The following ANK3 variants were observed in gnomAD, a reference collection of about 807,000 sequenced individuals.
The protein encoded by ANK3 is ankyrin 3.
Under a neutral mutation model 370.9 loss-of-function variants are expected in ANK3, and 57 were observed. The ratio of observed to expected loss-of-function variants is 0.15; its 90% CI spans 0.12 to 0.19. The LOEUF is 0.19. Among genes scored for constraint, ANK3 ranks in the 10% least tolerant of loss-of-function variants. The pLI is 1.00. For missense variants in ANK3, 4,439 were observed against 5,302.1 expected (o/e 0.84, Z 5.06); for synonymous variants, 1,929 against 1,946.3 (o/e 0.99, Z 0.23).
chr10:60,074,070 T>C lies in ANK3; in HGVS notation c.6811A>G (p.Met2271Val), dbSNP rs1362536806. 3 of 1,614,126 alleles carry C rather than the reference T, an allele frequency of 1.9e-6. No homozygotes were observed. The highest frequency in any genetic ancestry group is 3.3e-5 in the Admixed American group (2 of 60,020). Residue 2271 changes from methionine (M) to valine (V), a missense_variant, in exon 37 of 44, where the codon ATG becomes GTG. This residue lies in a region of ANK3 where 1,601 missense variants were observed against 1,731.7 expected (regional missense o/e 0.92). Transcript: ENST00000280772. Reference sequence around the variant, plus strand: ...GCCTTCATGATGTCATGGACTGACATGGTTTCTTCAATTCTTTCAGATGCA... The same window carrying C: ...GCCTTCATGATGTCATGGACTGACACGGTTTCTTCAATTCTTTCAGATGCA... ...EGASERIEET[M>V]SVHDIMKAFQ...
chr10:60,243,943 C>T (rs999602783), intron 7 of ANK3, among the ~76,000 whole-genome samples: 5 of 152,010 alleles, frequency 3.3e-5, no homozygotes, highest in African/African-American at 1.2e-4. Context: ...GAAGCTCAGG[C>T]AAAGCTGGAG....
chr10:60,120,456 T>C (rs757317545), intron 25 of ANK3, among the ~76,000 whole-genome samples: 2 of 151,588 alleles, frequency 1.3e-5, no homozygotes, highest in Non-Finnish European at 2.9e-5. Flanking sequence ...AAGGCAAAAA[T>C]AGACAACTGG....
At chr10:60,304,255 AAC>A (rs55989975) in intron 1 of ANK3, among the ~76,000 whole-genome samples, 123,640 of 150,158 alleles carry the variant, frequency 0.82, 50,985 homozygotes, top group East Asian at 0.97. Flanking sequence ...AATTGTTCAT[AAC>A]ACACACACAC....
intron 17 of ANK3, 132 bp downstream of exon 17, chr10:60,186,583 G>T: frequency 3.9e-6 from 4 of 1,032,504 alleles, no homozygotes; most frequent in Non-Finnish European, 5.9e-6. Context: ...GTAACACTTT[G>T]GTAAACAACT....
chr10:60,539,433 T>G (rs1325059924), intron 2 of ANK3, among the ~76,000 whole-genome samples: 1 of 151,930 alleles, frequency 6.6e-6, no homozygotes, highest in African/African-American at 2.4e-5. Flanking sequence ...AGCAAAGACA[T>G]GAGTTCTAGA....
chr10:60,701,982 G>C (rs1215216993), intron 1 of ANK3, among the ~76,000 whole-genome samples: 1 of 152,054 alleles, frequency 6.6e-6, no homozygotes, highest in Non-Finnish European at 1.5e-5. Flanking sequence ...AATTAGGCTG[G>C]GTGCAGTGGC....
At chr10:60,061,696 T>C (rs2080500684) in intron 40 of ANK3, among the ~76,000 whole-genome samples, 1 of 152,158 alleles carries the variant, frequency 6.6e-6, no homozygotes, top group Non-Finnish European at 1.5e-5. Flanking sequence ...TTGTGTTTGT[T>C]ACATGTATAA....
intron 42 of ANK3, chr10:60,053,644 C>T (rs1248883571): frequency 2.1e-5 from 27 of 1,297,338 alleles, no homozygotes; most frequent in Non-Finnish European, 2.5e-5. Flanking sequence ...TGGGTTGCTG[C>T]ATGGAAACAG....
intron 18 of ANK3, among the ~76,000 whole-genome samples, chr10:60,179,330 A>G (rs1382372805): frequency 6.6e-6 from 1 of 152,204 alleles, no homozygotes; most frequent in Non-Finnish European, 1.5e-5. Context: ...TGCTTTCTGA[A>G]GTGAGACGCT....
intron 18 of ANK3, 27 bp downstream of exon 18, chr10:60,181,302 T>C: frequency 6.2e-7 from 1 of 1,600,202 alleles, no homozygotes; most frequent in Non-Finnish European, 8.6e-7. Context: ...CACATTCTTT[T>C]CCGTGTGGCA....
intron 23 of ANK3, among the ~76,000 whole-genome samples, chr10:60,144,751 G>A (rs1459877475): frequency 6.6e-6 from 1 of 152,140 alleles, no homozygotes; most frequent in Non-Finnish European, 1.5e-5. Flanking sequence ...TGATTATCAG[G>A]ACTGTGGTGG....
At chr10:60,616,634 A>G (rs1034249561) in intron 1 of ANK3, among the ~76,000 whole-genome samples, 18 of 152,084 alleles carry the variant, frequency 1.2e-4, no homozygotes, top group African/African-American at 4.1e-4. Flanking sequence ...TAGCACATCT[A>G]ACATTGTAAT....
In ANK3 at chr10:60,088,237, T is replaced by C. The variant is rs762083787; in HGVS notation, c.3450A>G (p.Glu1150=). 3.1e-6 allele frequency: 5 copies of C among 1,614,214 alleles called. No homozygotes were observed. The South Asian group carries it at 5.5e-5, about 18-fold the overall frequency. The part of the protein sequence containing the change: ...IKQESNQIGP[E]GGILSSTTVP... ...CTGTGGTGCTGCTCAGAATTCCACC[T>C]TCAGGACCAATCTGGTTGCTTTCCT... The change falls in exon 29 of 44, where the codon GAA becomes GAG. Residue 1150 remains glutamate (E), a synonymous_variant. Transcript: ENST00000280772.
intron 2 of ANK3, among the ~76,000 whole-genome samples, chr10:60,431,815 C>T (rs2064031991): frequency 6.6e-6 from 1 of 152,090 alleles, no homozygotes; most frequent in Non-Finnish European, 1.5e-5. Context: ...ATGTAAATTC[C>T]TAGGACAACA....
chr10:60,534,339 A>G (rs17817819), intron 2 of ANK3, among the ~76,000 whole-genome samples: 11,367 of 152,138 alleles, frequency 0.075, 599 homozygotes, highest in South Asian at 0.18. Context: ...CTCCAAACGC[A>G]TTCATGTCTC....
chr10:60,078,264 C>T (rs1173076526), intron 36 of ANK3, among the ~76,000 whole-genome samples: 2 of 152,150 alleles, frequency 1.3e-5, no homozygotes, highest in Non-Finnish European at 2.9e-5. Flanking sequence ...TTCAAACATT[C>T]CAAACATATC....
chr10:60,536,480 A>G (rs753507381), intron 2 of ANK3, among the ~76,000 whole-genome samples: 1 of 152,122 alleles, frequency 6.6e-6, no homozygotes, highest in African/African-American at 2.4e-5. Context: ...CAAACTAAAC[A>G]TGGAAACATT....
chr10:60,373,072 C>G (rs74707031), intron 1 of ANK3, among the ~76,000 whole-genome samples: 3 of 152,118 alleles, frequency 2.0e-5, no homozygotes, highest in African/African-American at 7.2e-5. Context: ...AAAAGTGATC[C>G]TCTTGCACAT....
At position 60,197,240 on chromosome 10, in the gene ANK3, G is replaced by A. The variant is rs548211450; in HGVS notation, c.1690-615C>T. 8.5e-5 allele frequency among the ~76,000 whole-genome samples: 13 copies of A among 152,242 alleles called. No individual in the cohort carries two copies. In the East Asian group the frequency reaches 1.4e-3, roughly 16 times the overall value. ...AATGACATGGTTTTAGAATGACGACGTCTATTCTGTAGGTGAACTGAATAA... is the reference window on the plus strand; with the variant it reads ...AATGACATGGTTTTAGAATGACGACATCTATTCTGTAGGTGAACTGAATAA... On this transcript the variant is annotated intron_variant, in intron 14 of 43. Coordinates refer to ENST00000280772, the MANE Select transcript of ANK3 (RefSeq NM_020987.5).
Sources: gnomAD v4.1 joint callset for allele counts (sites outside exome capture counted in the v4.1 genomes callset) on GRCh38, gnomAD v4.1.1 for gene constraint, gnomAD v4.1.1 regional missense constraint, MANE v1.5 for transcripts, NCBI Gene and HGNC (gene_info 2026-07-23, HGNC 2026-07-21) for gene names.